Variants in CCDC102B observed in about 807,000 individuals in gnomAD.
CCDC102B encodes the protein coiled-coil domain containing 102B, also known as coiled-coil domain-containing protein 102B.
A neutral mutation model predicts 57.4 loss-of-function variants in CCDC102B; 75 were observed. The observed-to-expected ratio is 1.31, with a 90% confidence interval of 1.08 to 1.58. The LOEUF (loss-of-function observed/expected upper bound fraction) is 1.58, where lower values mean the gene tolerates loss of function less well. Among genes scored for constraint, CCDC102B ranks in the 40% most tolerant of loss-of-function variants. The pLI is 0.00. For missense variants in CCDC102B, 636 were observed against 582.6 expected (o/e 1.09, Z -0.94); for synonymous variants, 206 against 201.9 (o/e 1.02, Z -0.17).
At chr18:68,774,702 C>T (rs607696) in intron 2 of CCDC102B, among the ~76,000 whole-genome samples, 15,140 of 151,950 alleles carry the variant, frequency 0.1, 1,597 homozygotes, top group African/African-American at 0.27. Context: ...TGCTTAGTTT[C>T]ATTTTAGAAT....
chr18:68,942,943 G>T (rs562785686), intron 6 of CCDC102B, among the ~76,000 whole-genome samples: 3 of 81,068 alleles, frequency 3.7e-5, no homozygotes, highest in East Asian at 4.0e-4. Flanking sequence ...GCGGCCTTCC[G>T]CTGTGTTTTG....
intron 7 of CCDC102B, among the ~76,000 whole-genome samples, chr18:69,021,589 A>G (rs2051834091): frequency 6.6e-6 from 1 of 152,236 alleles, no homozygotes; most frequent in African/African-American, 2.4e-5. Context: ...CTAAGTATAT[A>G]CAGTTGAATG....
intron 2 of CCDC102B, among the ~76,000 whole-genome samples, chr18:68,765,284 A>AG (rs1311417772): frequency 1.4e-5 from 2 of 142,906 alleles, no homozygotes; most frequent in Admixed American, 7.3e-5. Context: ...AGAAAGAAAG[A>AG]AAAGAAAGAA....
rs550283657 is a variant in CCDC102B, at chr18:68,783,936, A to C, written c.-66-39430A>C. On this transcript the variant is annotated intron_variant, in intron 2 of 3. Transcript: ENST00000578970. ...TTTAACAGTTGATACTCAAGACTAAACTCCATGTTTTACTCTTTCTCAAAA... is the reference window on the plus strand; with the variant it reads ...TTTAACAGTTGATACTCAAGACTAACCTCCATGTTTTACTCTTTCTCAAAA... 9.2e-5 allele frequency among the ~76,000 whole-genome samples: 14 copies of C among 152,232 alleles called. No homozygotes were observed. The East Asian group carries it at 2.5e-3, about 27-fold the overall frequency.
chr18:69,009,978 C>G (rs1273858050), intron 6 of CCDC102B, among the ~76,000 whole-genome samples: 1 of 78,240 alleles, frequency 1.3e-5, no homozygotes, highest in Admixed American at 2.0e-4. Flanking sequence ...GTCGCCCGGG[C>G]TGGAGTGCTG....
At chr18:69,014,100 G>C (rs1189333663) in intron 7 of CCDC102B, among the ~76,000 whole-genome samples, 1 of 152,062 alleles carries the variant, frequency 6.6e-6, no homozygotes, top group South Asian at 2.1e-4. Flanking sequence ...GTTTCTAAAA[G>C]TATTACTGAT....
intron 7 of CCDC102B, among the ~76,000 whole-genome samples, chr18:69,032,965 A>C (rs571472485): frequency 6.6e-6 from 1 of 152,276 alleles, no homozygotes; most frequent in African/African-American, 2.4e-5. Context: ...ATAATCATAC[A>C]TTATCTAGAT....
Position 68,768,961 on chromosome 18 carries a change from A to G in CCDC102B, c.-67+52367A>G, listed in dbSNP as rs190707304. 2.8e-3 allele frequency among the ~76,000 whole-genome samples: 429 copies of G among 152,244 alleles called. 1 individual carries two copies. The highest frequency in any genetic ancestry group is 9.9e-3 in the African/African-American group (411 of 41,538). On this transcript the variant is annotated intron_variant, in intron 2 of 3. Transcript: ENST00000578970. Reference sequence around the variant, plus strand: ...GTAGCAAGGAAGGTGAAATGTAAAGATGGAATTGATGGCTGAATTCGGTGG... The same window carrying G: ...GTAGCAAGGAAGGTGAAATGTAAAGGTGGAATTGATGGCTGAATTCGGTGG...
At chr18:68,916,885 G>C (rs2041091469) in intron 6 of CCDC102B, among the ~76,000 whole-genome samples, 1 of 152,206 alleles carries the variant, frequency 6.6e-6, no homozygotes, top group African/African-American at 2.4e-5. Context: ...ATGGTTTGCA[G>C]AGGGCCCAAG....
intron 1 of CCDC102B, among the ~76,000 whole-genome samples, chr18:68,829,448 T>C (rs1406209937): frequency 6.6e-6 from 1 of 151,976 alleles, no homozygotes; most frequent in African/African-American, 2.4e-5. Flanking sequence ...AATGTACTGT[T>C]GGGAAAATAA....
upstream of CCDC102B, among the ~76,000 whole-genome samples, chr18:68,796,283 T>C (rs2035625867): frequency 6.6e-6 from 1 of 152,064 alleles, no homozygotes; most frequent in South Asian, 2.1e-4. Flanking sequence ...TAGTGCTGGA[T>C]TTGATATAGA....
chr18:68,746,690 T>A (rs774039709), intron 2 of CCDC102B, among the ~76,000 whole-genome samples: 5 of 152,080 alleles, frequency 3.3e-5, no homozygotes, highest in Non-Finnish European at 4.4e-5. Flanking sequence ...AATTTTTCTT[T>A]CTTTTCGTCC....
At chr18:68,841,072 C>T (rs2037607789) in intron 3 of CCDC102B, among the ~76,000 whole-genome samples, 1 of 152,188 alleles carries the variant, frequency 6.6e-6, no homozygotes, top group African/African-American at 2.4e-5. Context: ...TGCATGCAAT[C>T]CGCATGAGGC....
At chr18:69,039,091 A>G (rs1043304357) in intron 7 of CCDC102B, among the ~76,000 whole-genome samples, 2 of 152,114 alleles carry the variant, frequency 1.3e-5, no homozygotes, top group South Asian at 4.1e-4. Context: ...CGTTGCAACC[A>G]TATGTCATCT....
intron 6 of CCDC102B, among the ~76,000 whole-genome samples, chr18:68,971,606 A>G (rs912549456): frequency 6.6e-6 from 1 of 152,156 alleles, no homozygotes; most frequent in East Asian, 1.9e-4. Flanking sequence ...ACAAGATAAC[A>G]TTAAGTTCTT....
chr18:68,792,953 G>A (rs941777277), intron 2 of CCDC102B, among the ~76,000 whole-genome samples: 22 of 152,122 alleles, frequency 1.4e-4, no homozygotes, highest in African/African-American at 5.3e-4. Context: ...TAGCAGGAGG[G>A]AAGAAAATAA....
chr18:69,034,199 C>G (rs978850809), intron 7 of CCDC102B, among the ~76,000 whole-genome samples: 3 of 151,938 alleles, frequency 2.0e-5, no homozygotes, highest in Non-Finnish European at 4.4e-5. Context: ...TTGAAGCTTA[C>G]AACTTTTAAA....
intron 1 of CCDC102B, among the ~76,000 whole-genome samples, chr18:68,804,363 G>A (rs942220008): frequency 1.3e-5 from 2 of 152,140 alleles, no homozygotes; most frequent in Non-Finnish European, 2.9e-5. Context: ...TGTTAAGTGG[G>A]CAGCTGGACA....
At chr18:68,857,979 C>G (rs1467823309) in intron 4 of CCDC102B, among the ~76,000 whole-genome samples, 1 of 152,124 alleles carries the variant, frequency 6.6e-6, no homozygotes, top group Non-Finnish European at 1.5e-5. Flanking sequence ...TCATGCTAAT[C>G]CACTTCAGGA....
Sources: gnomAD v4.1 joint callset for allele counts (sites outside exome capture counted in the v4.1 genomes callset) on GRCh38, gnomAD v4.1.1 for gene constraint, MANE v1.5 for transcripts, NCBI Gene and HGNC (gene_info 2026-07-23, HGNC 2026-07-21) for gene names.